CDH8: variants seen among roughly 807,000 people sequenced by gnomAD.
CDH8 encodes the protein cadherin-8.
Under a neutral mutation model 68.1 loss-of-function variants are expected in CDH8, and 17 were observed. That is an observed-to-expected ratio of 0.25 (90% confidence interval 0.17 to 0.37). CDH8 has a LOEUF of 0.37. CDH8 is among the 10% of genes least tolerant of loss of function. CDH8 has a pLI of 1.00. For missense variants in CDH8, 763 were observed against 999.3 expected (o/e 0.76, Z 3.19); for synonymous variants, 372 against 365.1 (o/e 1.02, Z -0.21).
At chr16:61,791,333 A>G (rs890339022) in intron 7 of CDH8, among the ~76,000 whole-genome samples, 9 of 152,004 alleles carry the variant, frequency 5.9e-5, no homozygotes, top group African/African-American at 2.2e-4. Context: ...GTATTGTATT[A>G]TGGAAAGAAG....
At chr16:61,675,179 A>G (rs2142786696) in intron 10 of CDH8, among the ~76,000 whole-genome samples, 1 of 152,210 alleles carries the variant, frequency 6.6e-6, no homozygotes, top group South Asian at 2.1e-4. Context: ...AAGTGCCAGA[A>G]TTGGTAAATA....
At chr16:61,708,910 A>G (rs1466580111) in intron 10 of CDH8, among the ~76,000 whole-genome samples, 1 of 152,162 alleles carries the variant, frequency 6.6e-6, no homozygotes, top group African/African-American at 2.4e-5. Context: ...TTACATGGAA[A>G]ACACTTCCAG....
At chr16:61,972,579 T>TGA (rs1965359601) in intron 2 of CDH8, among the ~76,000 whole-genome samples, 1 of 146,838 alleles carries the variant, frequency 6.8e-6, no homozygotes, top group Admixed American at 6.7e-5. Context: ...TGGGTGTGTG[T>TGA]GTGTGTGTGT....
At position 61,825,067 on chromosome 16, in the gene CDH8, C is replaced by T. The variant is rs750157656; in HGVS notation, c.780G>A (p.Thr260=). The T allele has an allele frequency of 1.2e-5, 19 of 1,611,836 alleles. 1 individual carries two copies. Among genetic ancestry groups the T allele is most frequent in the South Asian group, 3.3e-5 (3 of 91,014 alleles). ...GGHSGGLSGT[T]TLTVTLTDVN... is the part of the protein sequence containing the mutation. ...CATCAGTAAGAGTCACTGTAAGTGT[C>T]GTGGTCCCAGACAGGCCACCAGAGT... Residue 260 remains threonine (T), a synonymous_variant, in exon 5 of 12, where the codon ACG becomes ACA. Coordinates refer to ENST00000577390, the MANE Select transcript of CDH8 (RefSeq NM_001796.5).
chr16:61,839,515 G>T (rs1044421885), intron 4 of CDH8, among the ~76,000 whole-genome samples: 1 of 152,126 alleles, frequency 6.6e-6, no homozygotes, highest in Non-Finnish European at 1.5e-5. Context: ...GAAATCTCAG[G>T]TGAGCAAATC....
intron 8 of CDH8, among the ~76,000 whole-genome samples, chr16:61,756,358 T>C (rs991924158): frequency 2.6e-5 from 4 of 152,142 alleles, no homozygotes; most frequent in Non-Finnish European, 4.4e-5. Flanking sequence ...TATGAAACCA[T>C]TGAAAACCAT....
At chr16:61,907,586 G>A (rs1258265560) in intron 2 of CDH8, among the ~76,000 whole-genome samples, 2 of 151,798 alleles carry the variant, frequency 1.3e-5, no homozygotes, top group African/African-American at 4.8e-5. Flanking sequence ...AGGCCAAGGT[G>A]GGAAGATCAC....
At chr16:61,692,399 T>A (rs1269639466) in intron 10 of CDH8, 2 of 152,168 alleles carry the variant, frequency 1.3e-5, no homozygotes, top group Admixed American at 6.5e-5. Context: ...TGCTATTTTT[T>A]AAAATTTCCC....
At chr16:61,862,459 C>T (rs772053177) in intron 3 of CDH8, among the ~76,000 whole-genome samples, 13 of 152,104 alleles carry the variant, frequency 8.5e-5, no homozygotes, top group Non-Finnish European at 1.6e-4. Context: ...CAAGCTTTTA[C>T]CCATGTACTC....
chr16:61,762,738 A>T (rs1475095390), intron 8 of CDH8, among the ~76,000 whole-genome samples: 1 of 152,188 alleles, frequency 6.6e-6, no homozygotes, highest in Non-Finnish European at 1.5e-5. Flanking sequence ...TAACTATTTC[A>T]TATGAATAAA....
At chr16:61,926,417 T>G (rs1265843792) in intron 2 of CDH8, among the ~76,000 whole-genome samples, 1 of 152,118 alleles carries the variant, frequency 6.6e-6, no homozygotes. Flanking sequence ...TTGTAGACAG[T>G]TTTTCTTCCT....
chr16:61,764,422 T>C (rs1163164112), intron 8 of CDH8, among the ~76,000 whole-genome samples: 2 of 152,144 alleles, frequency 1.3e-5, no homozygotes, highest in African/African-American at 4.8e-5. Context: ...ATGTACTCAG[T>C]TTCCCGTAGG....
intron 2 of CDH8, among the ~76,000 whole-genome samples, chr16:61,944,801 AT>A (rs1964775725): frequency 6.6e-6 from 1 of 152,172 alleles, no homozygotes. Context: ...AATAAGACCA[AT>A]GCAACAGGCA....
intron 1 of CDH8, among the ~76,000 whole-genome samples, chr16:62,032,284 A>G (rs767183937): frequency 1.3e-4 from 20 of 152,120 alleles, no homozygotes; most frequent in Admixed American, 3.3e-4. Context: ...GAGCCAATAA[A>G]TGAGTTCGTT....
chr16:61,878,907 C>T (rs530509884), intron 3 of CDH8, among the ~76,000 whole-genome samples: 2 of 152,232 alleles, frequency 1.3e-5, no homozygotes, highest in African/African-American at 4.8e-5. Flanking sequence ...TGCTGCCCCA[C>T]GTGAGTTTCC....
At chr16:61,999,799 T>C (rs1262595691) in intron 2 of CDH8, among the ~76,000 whole-genome samples, 1 of 152,140 alleles carries the variant, frequency 6.6e-6, no homozygotes, top group Non-Finnish European at 1.5e-5. Flanking sequence ...TTCCCCCCTT[T>C]TTTATTTTAC....
chr16:61,976,856 T>C (rs936275100), intron 2 of CDH8, among the ~76,000 whole-genome samples: 6 of 152,178 alleles, frequency 3.9e-5, no homozygotes, highest in Non-Finnish European at 8.8e-5. Context: ...TAGTGGTAAC[T>C]TGTTACTTTC....
intron 8 of CDH8, among the ~76,000 whole-genome samples, chr16:61,784,207 A>G (rs1432631058): frequency 1.3e-5 from 2 of 152,102 alleles, no homozygotes; most frequent in Non-Finnish European, 2.9e-5. Flanking sequence ...ACGTGCAGAG[A>G]CACACATAGG....
intron 4 of CDH8, among the ~76,000 whole-genome samples, chr16:61,843,247 C>G (rs563129017): frequency 6.6e-6 from 1 of 152,226 alleles, no homozygotes; most frequent in Middle Eastern, 3.4e-3. Flanking sequence ...TTTTCAGTTA[C>G]AATGGGACTC....
Sources: allele counts gnomAD v4.1 joint callset (sites outside exome capture counted in the v4.1 genomes callset), GRCh38; gene constraint gnomAD v4.1.1; transcripts MANE v1.5; gene names NCBI Gene and HGNC (gene_info 2026-07-23, HGNC 2026-07-21).